The following ZNF814 variants were observed in gnomAD, a reference collection of about 807,000 sequenced individuals.
ZNF814 encodes zinc finger protein 814.
A neutral mutation model predicts 7.5 loss-of-function variants in ZNF814; 5 were observed. That is an observed-to-expected ratio of 0.67 (90% CI 0.35 to 1.40). ZNF814 has a LOEUF of 1.40. ZNF814 is among the 40% of genes most tolerant of loss of function. The probability of loss-of-function intolerance (pLI) is 0.04; values close to 1 mark genes in which losing one functional copy is unlikely to be tolerated. For missense variants in ZNF814, 962 were observed against 1,018.0 expected (o/e 0.94, Z 0.75); for synonymous variants, 315 against 340.7 (o/e 0.92, Z 0.83).
At chr19:57,894,910 C>T in the ZNF814 span, among the ~76,000 whole-genome samples, 42 of 151,912 alleles carry the variant, frequency 2.8e-4, no homozygotes, top group African/African-American at 7.7e-4. Flanking sequence ...AACCTGAATA[C>T]GCAATTTTAG....
rs1309199978 is a variant in ZNF814, at chr19:57,880,472, C to A, written c.37-3430G>T. ...AATGGGAATACCTCCATACCACCTGCGTTATGGACTTAGGGCCTAGGGTTT... is the reference window on the plus strand; with the variant it reads ...AATGGGAATACCTCCATACCACCTGAGTTATGGACTTAGGGCCTAGGGTTT... On this transcript the variant is annotated intron_variant, in intron 1 of 2. Transcript: ENST00000435989. Among the ~76,000 whole-genome samples the A allele has an allele frequency of 4.0e-5, 6 of 151,604 alleles. No homozygotes were observed. In the East Asian group the frequency reaches 1.2e-3, roughly 29 times the overall value.
At chr19:57,892,566 G>A (rs1306244221), upstream of ZNF814, among the ~76,000 whole-genome samples, 1 of 152,198 alleles carries the variant, frequency 6.6e-6, no homozygotes, top group East Asian at 1.9e-4. Context: ...GTTCTCTTTG[G>A]AATAATCTGC....
chr19:57,886,724 C>T (rs1262265921), intron 1 of ZNF814, among the ~76,000 whole-genome samples: 1 of 151,942 alleles, frequency 6.6e-6, no homozygotes, highest in Non-Finnish European at 1.5e-5. Context: ...ACTAAAAATA[C>T]AAAAAATTAG....
chr19:57,900,839 A>ATTTTTTTT, the ZNF814 span, among the ~76,000 whole-genome samples: 119 of 45,770 alleles, frequency 2.6e-3, 27 homozygotes, highest in African/African-American at 7.7e-3. Context: ...CCATGGCTGC[A>ATTTTTTTT]TTTTTTTTTT....
the ZNF814 span, among the ~76,000 whole-genome samples, chr19:57,897,328 G>A: frequency 6.6e-5 from 10 of 152,310 alleles, no homozygotes; most frequent in Admixed American, 4.6e-4. Flanking sequence ...TGGATTAAAG[G>A]TGGGAAAAAT....
the ZNF814 span, among the ~76,000 whole-genome samples, chr19:57,901,134 C>G: frequency 6.6e-6 from 1 of 150,922 alleles, no homozygotes. Flanking sequence ...CCGCGCCCAG[C>G]AGCCATGGCT....
At chr19:57,903,163 T>G in the ZNF814 span, among the ~76,000 whole-genome samples, 6 of 152,322 alleles carry the variant, frequency 3.9e-5, no homozygotes, top group East Asian at 1.2e-3. Context: ...ACATTATAAC[T>G]GAGATCCTTA....
At chr19:57,901,513 C>T in the ZNF814 span, 2 of 397,788 alleles carry the variant, frequency 5.0e-6, no homozygotes, top group Non-Finnish European at 8.9e-6. Context: ...AATCAGGTGC[C>T]TCTGTGGGTG....
At chr19:57,893,901 CAGAG>C (rs1307546781), upstream of ZNF814, among the ~76,000 whole-genome samples, 1 of 145,304 alleles carries the variant, frequency 6.9e-6, no homozygotes, top group Non-Finnish European at 1.5e-5. Context: ...GCGTGGGTGG[CAGAG>C]AGAGACCCCA....
In ZNF814 at chr19:57,873,094, G is replaced by A. The variant is rs2071570578; in HGVS notation, c.2296C>T (p.His766Tyr). The change falls in exon 3 of 3, where the codon CAC becomes TAC. Residue 766 changes from histidine (H) to tyrosine (Y), a missense_variant. This residue lies in a region of ZNF814 where 665 missense variants were observed against 551.4 expected (regional missense o/e 1.21). Transcript: ENST00000435989. ...CACTCATAAGGCTTTTCTCCAGTGT[G>A]AATTCGCTTATGAACACAGAATGTA... Reference protein sequence around the residue: ...SSTFCVHKRIHTGEKPYECSE... With the variant: ...SSTFCVHKRIYTGEKPYECSE... The A allele has an allele frequency of 2.5e-6, 4 of 1,613,798 alleles. No homozygotes were observed. Among genetic ancestry groups the A allele is most frequent in the South Asian group, 1.1e-5 (1 of 91,002 alleles).
chr19:57,896,693 T>A, the ZNF814 span, among the ~76,000 whole-genome samples: 1 of 152,328 alleles, frequency 6.6e-6, no homozygotes, highest in South Asian at 2.1e-4. This position sits in a 1 kb window ranked among gnomAD's most constrained non-coding sequence, Gnocchi z 4.2. Context: ...TTAATGGAAT[T>A]TAAGCAAGCC....
At chr19:57,902,761 T>C in the ZNF814 span, among the ~76,000 whole-genome samples, 919 of 151,928 alleles carry the variant, frequency 6.0e-3, 13 homozygotes, top group Middle Eastern at 0.01. Flanking sequence ...CCCTGGTTCA[T>C]GCCTTTCTCC....
At chr19:57,886,443 C>CT (rs1240354579) in intron 1 of ZNF814, among the ~76,000 whole-genome samples, 1 of 152,140 alleles carries the variant, frequency 6.6e-6, no homozygotes, top group African/African-American at 2.4e-5. Context: ...GATTGGCCTT[C>CT]GGAAAACCTT....
intron 1 of ZNF814, among the ~76,000 whole-genome samples, chr19:57,888,348 T>C (rs1195816498): frequency 6.6e-6 from 1 of 152,068 alleles, no homozygotes; most frequent in Non-Finnish European, 1.5e-5. Context: ...CACCTGACAC[T>C]GTGCAAAGAC....
At chr19:57,901,275 G>T in the ZNF814 span, among the ~76,000 whole-genome samples, 1 of 152,050 alleles carries the variant, frequency 6.6e-6, no homozygotes, top group Non-Finnish European at 1.5e-5. Context: ...GGGAGACCAG[G>T]TATATAAAAC....
chr19:57,894,474 G>A, the ZNF814 span, among the ~76,000 whole-genome samples: 1 of 152,110 alleles, frequency 6.6e-6, no homozygotes, highest in East Asian at 1.9e-4. Context: ...AAACAGCAAG[G>A]AGAAAAGTCC....
the ZNF814 span, among the ~76,000 whole-genome samples, chr19:57,899,963 A>G: frequency 6.6e-6 from 1 of 152,242 alleles, no homozygotes; most frequent in Non-Finnish European, 1.5e-5. Context: ...AATTCCCAGG[A>G]ATGGCAAGTT....
intron 1 of ZNF814, among the ~76,000 whole-genome samples, chr19:57,877,733 G>A (rs1486454271): frequency 6.6e-5 from 10 of 152,206 alleles, no homozygotes; most frequent in East Asian, 5.8e-4. Flanking sequence ...GAGGCACCGC[G>A]CCCAGCCAGC....
chr19:57,877,616 T>G lies in ZNF814; in HGVS notation c.37-574A>C, dbSNP rs201712058. On this transcript the variant is annotated intron_variant, in intron 1 of 2. Transcript: ENST00000435989. Reference sequence around the variant, plus strand: ...TACCACCACACCTGGCTAATTTTTGTATTTTTAGTAGTGATAGGATTTCAC... The same window carrying G: ...TACCACCACACCTGGCTAATTTTTGGATTTTTAGTAGTGATAGGATTTCAC... Among the ~76,000 whole-genome samples, 6 of 152,206 alleles carry G rather than the reference T, an allele frequency of 3.9e-5. No homozygotes were observed. In the East Asian group the frequency reaches 9.7e-4, roughly 25 times the overall value.
Sources: gnomAD v4.1 joint callset for allele counts (sites outside exome capture counted in the v4.1 genomes callset) on GRCh38, gnomAD v4.1.1 for gene constraint, gnomAD v4.1.1 regional missense constraint, Gnocchi (gnomAD v3.1) non-coding constraint, MANE v1.5 for transcripts, NCBI Gene and HGNC (gene_info 2026-07-23, HGNC 2026-07-21) for gene names.